CEP350: variants seen among roughly 807,000 people sequenced by gnomAD.
CEP350 encodes centrosomal protein 350, also known as centrosome-associated protein 350.
CEP350 carries 126 observed loss-of-function variants against 331.8 expected under a neutral mutation model. The ratio of observed to expected loss-of-function variants is 0.38; its 90% CI spans 0.33 to 0.44. The LOEUF is 0.44. Among genes scored for constraint, CEP350 ranks in the 20% least tolerant of loss-of-function variants. CEP350 has a pLI of 1.00. For missense variants in CEP350, 3,406 were observed against 3,634.6 expected (o/e 0.94, Z 1.62); for synonymous variants, 1,200 against 1,259.5 (o/e 0.95, Z 1.00).
At chr1:180,053,981 G>A (rs555695752) in intron 24 of CEP350, 47 bp downstream of exon 24, 27 of 1,360,090 alleles carry the variant, frequency 2.0e-5, no homozygotes, top group East Asian at 1.2e-4. Context: ...TTCATAAAAT[G>A]GAATGCTTTA....
Position 180,006,565 on chromosome 1 carries a change from C to T in CEP350, c.1244C>T (p.Thr415Ile), listed in dbSNP as rs770476381. ...VAQLSSTECR[T>I]GSSHLISTSS... ...CAGTTATCAAGTACAGAATGCAGAA[C>T]AGGTTAGTTTTCTCAACATGTCCAT... is the stretch of plus-strand genomic sequence containing the variant. The change falls in exon 8 of 38, where the codon ACA becomes ATA. Residue 415 changes from threonine (T) to isoleucine (I), a missense_variant and splice_region_variant. This residue lies in a region of CEP350 where 1,857 missense variants were observed against 1,909.2 expected (regional missense o/e 0.97). Transcript: ENST00000367607. 13 of 1,458,492 alleles carry T rather than the reference C, an allele frequency of 8.9e-6. No individual in the cohort carries two copies. The highest frequency in any genetic ancestry group is 1.1e-5 in the Non-Finnish European group (12 of 1,062,040). The allele number at this position is 1,458,492 out of a possible 1,614,324, so 90.3% of individuals were successfully genotyped here.
At position 180,062,201 on chromosome 1, in the gene CEP350, T is replaced by A; in HGVS notation, c.5263-19T>A. ...TCTTCTCCCAATCTTAATCCCTCTC[T>A]TAACTCTTTAAACCTTAGGCAGAAA... is the stretch of plus-strand genomic sequence containing the variant. On this transcript the variant is annotated intron_variant, in intron 25 of 37. Transcript: ENST00000367607. The A allele has an allele frequency of 6.3e-7, 1 of 1,590,474 alleles. No homozygotes were observed. The highest frequency in any genetic ancestry group is 8.6e-7 in the Non-Finnish European group (1 of 1,169,090).
At chr1:180,104,216 T>G (rs1400002657) in intron 37 of CEP350, among the ~76,000 whole-genome samples, 3 of 150,554 alleles carry the variant, frequency 2.0e-5, no homozygotes, top group Admixed American at 6.6e-5. Flanking sequence ...GTAGAGTTGT[T>G]TTTTGTTGTT....
chr1:179,978,718 CT>C (rs1282464635), intron 1 of CEP350, among the ~76,000 whole-genome samples: 2 of 152,070 alleles, frequency 1.3e-5, no homozygotes, highest in East Asian at 1.9e-4. Flanking sequence ...TAATTTTTTT[CT>C]TTTTAAGGCT....
intron 28 of CEP350, among the ~76,000 whole-genome samples, chr1:180,077,844 T>A (rs1659328148): frequency 6.6e-6 from 1 of 151,196 alleles, no homozygotes; most frequent in Non-Finnish European, 1.5e-5. Flanking sequence ...ATTAAAAAAT[T>A]TATATGAGGC....
In CEP350 at chr1:180,004,873, GGCTTGCTTGCTTGCTTGCTT is replaced by G. The variant is rs142057657; in HGVS notation, c.1133-1564_1133-1545del. Among the ~76,000 whole-genome samples the G allele has an allele frequency of 7.1e-3, 710 of 100,538 alleles. 10 individuals carry two copies. The highest frequency in any genetic ancestry group is 0.024 in the African/African-American group (666 of 28,298). 66.0% of individuals were successfully genotyped at this position (100,538 alleles called of 152,430 possible). Reference sequence around the variant, plus strand: ...CAGAGCTTGGGCAGGCAGGCTGGCTGGCTTGCTTGCTTGCTTGCTTGCTTGCTTGCTTGCTTTCTTTCTTT... The same window carrying G: ...CAGAGCTTGGGCAGGCAGGCTGGCTGGCTTGCTTGCTTGCTTTCTTTCTTT... On this transcript the variant is annotated intron_variant, in intron 7 of 37. Coordinates refer to ENST00000367607, the MANE Select transcript of CEP350 (RefSeq NM_014810.5).
rs571357777 is a variant in CEP350 at position 180,096,995 on chromosome 1, C to T, written c.9066+811C>T. ...GCTGGTCCTGCTGGTCCTGCTGGTC[C>T]TGCTGGTCCCAGGACCACGCTGAGT... On this transcript the variant is annotated intron_variant, in intron 36 of 37. Transcript: ENST00000367607. 3.3e-5 allele frequency among the ~76,000 whole-genome samples: 5 copies of T among 152,330 alleles called. No homozygotes were observed. The South Asian group carries it at 8.3e-4, about 25-fold the overall frequency.
chr1:179,987,342 A>G, intron 3 of CEP350, 56 bp downstream of exon 3: 1 of 933,678 alleles, frequency 1.1e-6, no homozygotes, highest in Non-Finnish European at 1.7e-6. Context: ...ATTTCCTGTT[A>G]TGATTGAATA....
At chr1:180,041,848 A>G (rs2148920093) in intron 19 of CEP350, 46 bp downstream of exon 19, 3 of 1,548,934 alleles carry the variant, frequency 1.9e-6, no homozygotes, top group South Asian at 1.2e-5. Flanking sequence ...TTTTTAGTCA[A>G]TCTGAGTAAC....
intron 31 of CEP350, among the ~76,000 whole-genome samples, chr1:180,086,979 G>T (rs1334054531): frequency 6.6e-6 from 1 of 152,146 alleles, no homozygotes; most frequent in East Asian, 1.9e-4. Context: ...TAAAAGTAAG[G>T]ACTTCAGCCC....
intron 25 of CEP350, among the ~76,000 whole-genome samples, chr1:180,055,546 C>T (rs200316715): frequency 2.6e-4 from 23 of 87,426 alleles, no homozygotes; most frequent in South Asian, 8.8e-4. Flanking sequence ...TGAATTCCAT[C>T]TTTTTTTTTT....
intron 28 of CEP350, among the ~76,000 whole-genome samples, chr1:180,077,597 G>C (rs1659305933): frequency 6.7e-6 from 1 of 149,270 alleles, no homozygotes. Flanking sequence ...TTCCTGGGAG[G>C]TCGAGGCTGC....
chr1:180,020,462 G>T lies in CEP350; in HGVS notation c.2688G>T (p.Met896Ile). ...EDVFSARIQK[M>I]LGSCVSHATF... is the part of the protein sequence containing the mutation. Reference sequence around the variant, plus strand: ...TTTTCTCTGCCAGAATTCAGAAGATGCTGGGAAGCTGTGTATCTCATGCAA... The same window carrying T: ...TTTTCTCTGCCAGAATTCAGAAGATTCTGGGAAGCTGTGTATCTCATGCAA... Residue 896 changes from methionine to isoleucine, a missense_variant, in exon 12 of 38, where the codon ATG (methionine) becomes ATT (isoleucine). Met to Ile is a conservative substitution (Grantham distance 10). Around this residue, in one of 5 missense-constraint regions of CEP350, gnomAD observed 1,857 missense variants for 1,909.2 expected, o/e 0.97. Coordinates refer to ENST00000367607, the MANE Select transcript of CEP350 (RefSeq NM_014810.5). The T allele has an allele frequency of 1.9e-6, 3 of 1,613,978 alleles. No homozygotes were observed. The highest frequency in any genetic ancestry group is 1.6e-4 in the Middle Eastern group (1 of 6,062).
At position 179,996,569 on chromosome 1, in the gene CEP350, C is replaced by T. The variant is rs780795548; in HGVS notation, c.412C>T (p.Pro138Ser). 6 of 1,563,636 alleles carry T rather than the reference C, an allele frequency of 3.8e-6. No homozygotes were observed. The highest frequency in any genetic ancestry group is 2.7e-5 in the African/African-American group (2 of 73,700). The change falls in exon 6 of 38, where the codon CCT (proline) becomes TCT (serine). Residue 138 changes from proline (P) to serine (S), a missense_variant. Coordinates refer to ENST00000367607, the MANE Select transcript of CEP350 (RefSeq NM_014810.5). Reference protein sequence around the residue: ...LVSYREIHGAPSNFSSSHLES... With the variant: ...LVSYREIHGASSNFSSSHLES... Reference sequence around the variant, plus strand: ...TTATTGTAGGGAAATCCATGGTGCACCTTCCAATTTCAGTTCCAGCCATCT... The same window carrying T: ...TTATTGTAGGGAAATCCATGGTGCATCTTCCAATTTCAGTTCCAGCCATCT...
intron 1 of CEP350, among the ~76,000 whole-genome samples, chr1:179,976,544 C>T (rs1651882093): frequency 6.6e-6 from 1 of 151,632 alleles, no homozygotes; most frequent in Non-Finnish European, 1.5e-5. Flanking sequence ...GTCCCAGCTA[C>T]TTGGGAGGCT....
intron 6 of CEP350, among the ~76,000 whole-genome samples, chr1:179,997,699 A>G (rs939882808): frequency 5.3e-5 from 8 of 152,220 alleles, no homozygotes. Flanking sequence ...GAACCACTAT[A>G]TGAACATTTA....
Position 180,031,462 on chromosome 1 carries a change from C to A in CEP350, c.3693C>A (p.Ser1231Arg). 6.5e-7 allele frequency: 1 copy of A among 1,548,678 alleles called. No individual in the cohort carries two copies. Among genetic ancestry groups the A allele is most frequent in the African/African-American group, 1.4e-5 (1 of 72,408 alleles). ...KDFEQTLDTD[S>R]TLEDLSGHSV... ...TTGAGCAGACTCTTGATACAGATAG[C>A]ACTTTGGAGGATCTTTCTGGACATT... Residue 1231 changes from serine (S) to arginine (R), a missense_variant, in exon 15 of 38, where the codon AGC (serine) becomes AGA (arginine). Ser to Arg is a moderately radical substitution (Grantham distance 110). Transcript: ENST00000367607.
chr1:180,074,004 T>A, intron 27 of CEP350: 13 of 1,139,700 alleles, frequency 1.1e-5, no homozygotes, highest in Non-Finnish European at 1.5e-5. Flanking sequence ...TCTTTTTTTT[T>A]AATAGCCTGG....
At chr1:180,031,968 A>G (rs1011940629) in intron 15 of CEP350, among the ~76,000 whole-genome samples, 1 of 152,092 alleles carries the variant, frequency 6.6e-6, no homozygotes, top group Non-Finnish European at 1.5e-5. Flanking sequence ...CAACACAGCT[A>G]CTTAGCATCC....
Sources: gnomAD v4.1 joint callset for allele counts (sites outside exome capture counted in the v4.1 genomes callset) on GRCh38, gnomAD v4.1.1 for gene constraint, gnomAD v4.1.1 regional missense constraint, MANE v1.5 for transcripts, NCBI Gene and HGNC (gene_info 2026-07-23, HGNC 2026-07-21) for gene names.